NOL4: variants seen among roughly 807,000 people sequenced by gnomAD.
NOL4 encodes nucleolar protein 4, also known as cancer/testis antigen 125.
Under a neutral mutation model 75.9 loss-of-function variants are expected in NOL4, and 17 were observed. That is an observed-to-expected ratio of 0.22 (90% CI 0.15 to 0.34). NOL4 has a LOEUF of 0.34. NOL4 is among the 10% of genes least tolerant of loss of function. The pLI, the probability that NOL4 is intolerant of heterozygous loss-of-function variation, is 1.00. For synonymous variants in NOL4, 292 were observed against 289.9 expected (o/e 1.01, Z -0.07); for missense variants, 614 against 793.5 (o/e 0.77, Z 2.72).
chr18:33,918,270 A>G lies in NOL4; in HGVS notation c.1542+24795T>C, dbSNP rs547424708. On this transcript the variant is annotated intron_variant, in intron 9 of 10. Coordinates refer to ENST00000261592, the MANE Select transcript of NOL4 (RefSeq NM_003787.5). ...GGCTGCTGGTTTCAAAGCAGCTCAC[A>G]GGAATCACACAAAATGTTGAAATTT... Among the ~76,000 whole-genome samples the G allele has an allele frequency of 8.5e-5, 13 of 152,340 alleles. No individual in the cohort carries two copies. In the East Asian group the frequency reaches 1.9e-3, roughly 23 times the overall value.
chr18:33,902,425 A>G (rs1430668595), intron 9 of NOL4, among the ~76,000 whole-genome samples: 1 of 152,098 alleles, frequency 6.6e-6, no homozygotes, highest in African/African-American at 2.4e-5. Context: ...CAATTCCATA[A>G]CTTTTTTCCT....
intron 9 of NOL4, among the ~76,000 whole-genome samples, chr18:33,939,911 C>T (rs1349555267): frequency 6.6e-6 from 1 of 151,922 alleles, no homozygotes; most frequent in Non-Finnish European, 1.5e-5. Flanking sequence ...AGACACTTCT[C>T]AGAAGAAGAC....
At chr18:33,978,417 G>A (rs142198500) in intron 6 of NOL4, among the ~76,000 whole-genome samples, 46 of 152,128 alleles carry the variant, frequency 3.0e-4, no homozygotes, top group Middle Eastern at 6.8e-3. Context: ...CTCTACTGAT[G>A]ATACTTTTTC....
chr18:34,194,457 A>AAGGAAGGAAGGC lies in NOL4; in HGVS notation c.264+28532_264+28533insGCCTTCCTTCCT, dbSNP rs1301161192. Among the ~76,000 whole-genome samples the AAGGAAGGAAGGC allele has an allele frequency of 3.3e-3, 488 of 146,276 alleles. 6 individuals carry two copies. Among genetic ancestry groups the AAGGAAGGAAGGC allele is most frequent in the African/African-American group, 0.012 (457 of 39,312 alleles). On this transcript the variant is annotated intron_variant, in intron 1 of 10. Coordinates refer to ENST00000261592, the MANE Select transcript of NOL4 (RefSeq NM_003787.5). ...GAAGGAAGGAAGGAAGGAAGGAAGG[A>AAGGAAGGAAGGC]AGGCAGGCAGGCAGGCAGGCAGGCA...
At chr18:34,193,967 C>A (rs755278089) in intron 1 of NOL4, among the ~76,000 whole-genome samples, 6 of 151,918 alleles carry the variant, frequency 3.9e-5, no homozygotes, top group Non-Finnish European at 8.8e-5. Flanking sequence ...TGAAATAAGC[C>A]AGGCACAGAA....
chr18:33,992,200 C>T (rs148385665), intron 6 of NOL4, among the ~76,000 whole-genome samples: 1,903 of 152,042 alleles, frequency 0.013, 73 homozygotes, highest in East Asian at 0.082. Context: ...CACATTCTAA[C>T]GTTTCAACCC....
chr18:34,060,154 T>C (rs1446359099), intron 5 of NOL4, among the ~76,000 whole-genome samples: 1 of 152,196 alleles, frequency 6.6e-6, no homozygotes, highest in East Asian at 1.9e-4. Flanking sequence ...GTAATTATAA[T>C]ATCCTGTCCC....
rs751995598 is a variant in NOL4, at chr18:34,222,105, G to C, written c.264+885C>G. The stretch of plus-strand genomic sequence containing the variant: ...TTCCCATCTTCTTGTGAAGAAAATC[G>C]ACGCTGCTGCGGCTCCCCAGCCCCA... On this transcript the variant is annotated intron_variant, in intron 1 of 10. Transcript: ENST00000261592. The C allele has an allele frequency of 3.5e-5, 53 of 1,534,632 alleles. No individual in the cohort carries two copies. The African/African-American group carries it at 6.8e-4, about 20-fold the overall frequency.
At chr18:33,997,017 T>A (rs955463343) in intron 6 of NOL4, among the ~76,000 whole-genome samples, 2 of 151,976 alleles carry the variant, frequency 1.3e-5, no homozygotes, top group Non-Finnish European at 2.9e-5. Context: ...GTCAGATGCA[T>A]AATTCGCAAA....
intron 5 of NOL4, among the ~76,000 whole-genome samples, chr18:34,040,407 T>C (rs1360079352): frequency 1.3e-5 from 2 of 152,030 alleles, no homozygotes; most frequent in Non-Finnish European, 2.9e-5. Flanking sequence ...TGATTGAAGC[T>C]ATTTTCAAAA....
intron 1 of NOL4, among the ~76,000 whole-genome samples, chr18:34,174,233 C>A (rs750033723): frequency 2.6e-5 from 4 of 152,228 alleles, no homozygotes; most frequent in African/African-American, 9.6e-5. Context: ...TTAATCTGTA[C>A]TATTTAAATC....
At chr18:34,022,721 A>C (rs2075115165) in intron 5 of NOL4, among the ~76,000 whole-genome samples, 1 of 152,038 alleles carries the variant, frequency 6.6e-6, no homozygotes. Flanking sequence ...AGCTTTGTCA[A>C]TATGTTATTA....
rs186983932 is a variant in NOL4, at chr18:33,885,186, T to C, written c.1543-1762A>G. 2.2e-3 allele frequency among the ~76,000 whole-genome samples: 341 copies of C among 152,240 alleles called. 2 individuals carry two copies. The highest frequency in any genetic ancestry group is 3.8e-3 in the Non-Finnish European group (261 of 68,012). On this transcript the variant is annotated intron_variant, in intron 9 of 10. Coordinates refer to ENST00000261592, the MANE Select transcript of NOL4 (RefSeq NM_003787.5). ...TAAAAAAAATCATTCCTCTGAGATATATTTAATGCAAACATTAATTGACTG... is the reference window on the plus strand; with the variant it reads ...TAAAAAAAATCATTCCTCTGAGATACATTTAATGCAAACATTAATTGACTG...
intron 6 of NOL4, among the ~76,000 whole-genome samples, chr18:33,977,312 A>G: frequency 6.6e-6 from 1 of 152,148 alleles, no homozygotes; most frequent in South Asian, 2.1e-4. Flanking sequence ...AGCAACCATA[A>G]TCCCCACGTG....
intron 1 of NOL4, among the ~76,000 whole-genome samples, chr18:34,137,203 A>T (rs1470715996): frequency 6.6e-6 from 1 of 152,208 alleles, no homozygotes; most frequent in Non-Finnish European, 1.5e-5. Flanking sequence ...ACAAGGTTAC[A>T]CAGAAGTAAA....
chr18:33,888,480 T>C (rs1297630234), intron 9 of NOL4, among the ~76,000 whole-genome samples: 1 of 152,184 alleles, frequency 6.6e-6, no homozygotes, highest in East Asian at 1.9e-4. Flanking sequence ...ATTTTAGACA[T>C]GAAGTCCTTG....
intron 1 of NOL4, among the ~76,000 whole-genome samples, chr18:34,169,452 G>A: frequency 7.0e-6 from 1 of 142,318 alleles, no homozygotes. Context: ...ACAAATAACA[G>A]ATTGGGCAAA....
At chr18:34,119,477 A>G (rs2080019695) in intron 2 of NOL4, among the ~76,000 whole-genome samples, 1 of 152,160 alleles carries the variant, frequency 6.6e-6, no homozygotes, top group Non-Finnish European at 1.5e-5. Context: ...CACCATTTGT[A>G]GAAAAGCACT....
chr18:34,170,743 T>C (rs1013715105), intron 1 of NOL4, among the ~76,000 whole-genome samples: 4 of 152,152 alleles, frequency 2.6e-5, no homozygotes, highest in Admixed American at 2.0e-4. Flanking sequence ...ATTAGGAAAT[T>C]CTAATCATAC....
Sources: allele counts gnomAD v4.1 joint callset (sites outside exome capture counted in the v4.1 genomes callset), GRCh38; gene constraint gnomAD v4.1.1; transcripts MANE v1.5; gene names NCBI Gene and HGNC (gene_info 2026-07-23, HGNC 2026-07-21).